The following PARP4 variants were observed in gnomAD, a reference collection of about 807,000 sequenced individuals.
PARP4 encodes the protein protein mono-ADP-ribosyltransferase PARP4.
Under a neutral mutation model 187.7 loss-of-function variants are expected in PARP4, and 120 were observed. The observed-to-expected ratio is 0.64, with a 90% CI of 0.55 to 0.74. PARP4 has a LOEUF of 0.74. Among genes scored for constraint, PARP4 ranks in the 30% least tolerant of loss-of-function variants. The pLI, the probability that PARP4 is intolerant of heterozygous loss-of-function variation, is 0.00. For synonymous variants in PARP4, 654 were observed against 740.9 expected, an observed-to-expected ratio of 0.88 and a Z score of 1.90; for missense variants, 1,836 against 2,070.5, an observed-to-expected ratio of 0.89 and a Z score of 2.20.
Position 24,478,043 on chromosome 13 carries a change from T to TAAA in PARP4, c.1632+49_1632+50insTTT, listed in dbSNP as rs751088924. ...AAATAGGAGCAAAAAACTAAGGCCT[T>TAAA]TCTTTGAGCATTCAAGACCCTCTTT... is the stretch of plus-strand genomic sequence containing the variant. On this transcript the variant is annotated intron_variant, in intron 13 of 33. Coordinates refer to ENST00000381989, the MANE Select transcript of PARP4 (RefSeq NM_006437.4). The TAAA allele has an allele frequency of 4.8e-5, 69 of 1,426,932 alleles. No homozygotes were observed. The African/African-American group carries it at 8.5e-4, about 18-fold the overall frequency. 88.4% of individuals were successfully genotyped at this position (1,426,932 alleles called of 1,614,324 possible). A position where few individuals can be genotyped will look rare whatever the true frequency, so the allele number is the denominator to read the frequency against.
chr13:24,496,939 C>T (rs1868990956), intron 6 of PARP4, among the ~76,000 whole-genome samples: 2 of 152,140 alleles, frequency 1.3e-5, no homozygotes, highest in Admixed American at 1.3e-4. Context: ...ACAAGAATCG[C>T]TTGAACCTGG....
chr13:24,492,864 CCT>C (rs1566017563), intron 8 of PARP4, among the ~76,000 whole-genome samples: 1 of 152,170 alleles, frequency 6.6e-6, no homozygotes, highest in African/African-American at 2.4e-5. Flanking sequence ...CATCTACATA[CCT>C]ATACACAGAG....
At chr13:24,507,270 G>A (rs1041252704) in intron 1 of PARP4, among the ~76,000 whole-genome samples, 14 of 152,244 alleles carry the variant, frequency 9.2e-5, no homozygotes, top group African/African-American at 2.2e-4. Flanking sequence ...CTCCTCAAGC[G>A]TAGCCAGAGT....
chr13:24,491,414 C>T (rs534249213), intron 9 of PARP4, among the ~76,000 whole-genome samples: 59 of 152,274 alleles, frequency 3.9e-4, no homozygotes, highest in South Asian at 1.2e-3. Flanking sequence ...CCACCACACC[C>T]GACTGACAGA....
chr13:24,511,322 CAG>C (rs1042119188), intron 1 of PARP4, among the ~76,000 whole-genome samples: 1 of 152,160 alleles, frequency 6.6e-6, no homozygotes, highest in African/African-American at 2.4e-5. Flanking sequence ...TCTCTAAACA[CAG>C]AGTTAGTTCA....
intron 20 of PARP4, among the ~76,000 whole-genome samples, chr13:24,457,476 C>T (rs1407198844): frequency 1.3e-5 from 2 of 152,162 alleles, no homozygotes; most frequent in East Asian, 1.9e-4. Flanking sequence ...CTTGTTGCTA[C>T]TGAGGACTCC....
intron 7 of PARP4, among the ~76,000 whole-genome samples, chr13:24,494,008 C>T (rs555911744): frequency 4.6e-5 from 7 of 152,110 alleles, no homozygotes; most frequent in African/African-American, 1.2e-4. Flanking sequence ...AGTCAACACA[C>T]GAAGTCAGGA....
chr13:24,479,849 C>T (rs1873175146), intron 12 of PARP4, among the ~76,000 whole-genome samples: 1 of 152,220 alleles, frequency 6.6e-6, no homozygotes, highest in Non-Finnish European at 1.5e-5. Flanking sequence ...ACTGCTCACT[C>T]TTTGGGTCCA....
chr13:24,456,603 T>C (rs1871868499), intron 20 of PARP4, 125 bp from the exon 21 acceptor site: 1 of 812,206 alleles, frequency 1.2e-6, no homozygotes, highest in African/African-American at 1.7e-5. Flanking sequence ...ATCAACAAAG[T>C]AGTGGTAAAT....
chr13:24,426,360 C>A, intron 33 of PARP4, 106 bp downstream of exon 33: 1 of 818,794 alleles, frequency 1.2e-6, no homozygotes, highest in Non-Finnish European at 1.8e-6. Context: ...TTGCTACATA[C>A]TTATAGTGTA....
intron 17 of PARP4, among the ~76,000 whole-genome samples, chr13:24,462,895 G>A (rs7995958): frequency 6.6e-6 from 1 of 151,702 alleles, no homozygotes; most frequent in Non-Finnish European, 1.5e-5. Context: ...AAAAGCTGTG[G>A]TGCAATATCA....
At chr13:24,512,242 A>G (rs185019931) in intron 1 of PARP4, among the ~76,000 whole-genome samples, 19 of 152,322 alleles carry the variant, frequency 1.2e-4, no homozygotes, top group Non-Finnish European at 1.9e-4. Context: ...CAACAAACAC[A>G]TTGTTTCTAT....
At chr13:24,453,101 A>G (rs1414353262) in intron 23 of PARP4, among the ~76,000 whole-genome samples, 3 of 151,850 alleles carry the variant, frequency 2.0e-5, no homozygotes, top group African/African-American at 7.3e-5. Context: ...CGCCTGGCTA[A>G]TTTTTTGTAT....
intron 30 of PARP4, among the ~76,000 whole-genome samples, chr13:24,438,848 C>T (rs1593592818): frequency 1.3e-5 from 2 of 152,208 alleles, no homozygotes; most frequent in Admixed American, 6.5e-5. Flanking sequence ...GGCTCTATTG[C>T]GGCTGGCGTG....
chr13:24,425,605 C>CTATATATATATATA (rs113002264), intron 33 of PARP4, among the ~76,000 whole-genome samples: 3,662 of 146,614 alleles, frequency 0.025, 148 homozygotes, highest in African/African-American at 0.081. Flanking sequence ...ATATCTATAT[C>CTATATATATATATA]TATATATCTC....
At chr13:24,470,165 G>C in intron 15 of PARP4, 140 bp from the exon 16 acceptor site, 1 of 723,956 alleles carries the variant, frequency 1.4e-6, no homozygotes, top group African/African-American at 1.8e-5. Flanking sequence ...CCCAACCCTG[G>C]CTTCACTTCT....
rs201516713 is a variant in PARP4 at position 24,434,720 on chromosome 13, T to A, written c.4421A>T (p.Asn1474Ile). 99 of 1,614,036 alleles carry A rather than the reference T, an allele frequency of 6.1e-5. No homozygotes were observed. The African/African-American group carries it at 8.8e-4, about 14-fold the overall frequency. The change falls in exon 31 of 34, where the codon AAC becomes ATC. Residue 1474 changes from asparagine (N) to isoleucine (I), a missense_variant. This residue lies in a region of PARP4 where 450 missense variants were observed against 439.2 expected (regional missense o/e 1.02). Transcript: ENST00000381989. ...AGCAGAGGCCATTGGCAGCCTAAGG[T>A]TGGCAGTCAAAGAGGCTGCGGAAGG... ...FQPSAASLTANLRLPMASALP... is the reference protein window; with the variant it reads ...FQPSAASLTAILRLPMASALP...
At chr13:24,506,354 T>G (rs575527840) in intron 1 of PARP4, among the ~76,000 whole-genome samples, 1 of 152,192 alleles carries the variant, frequency 6.6e-6, no homozygotes, top group African/African-American at 2.4e-5. Flanking sequence ...GCAACAAAAT[T>G]TACTGCAAGG....
In PARP4 at chr13:24,459,963, C is replaced by G. The variant is rs201461720; in HGVS notation, c.2298+9G>C. 6.2e-7 allele frequency: 1 copy of G among 1,608,730 alleles called. No homozygotes were observed. On this transcript the variant is annotated intron_variant, in intron 18 of 33. Coordinates refer to ENST00000381989, the MANE Select transcript of PARP4 (RefSeq NM_006437.4). The stretch of plus-strand genomic sequence containing the variant: ...CCAAAATGCTTCTTCAAATCTTATG[C>G]GTACAAACCTGAAGGTTTTCATTCA...
Sources: allele counts gnomAD v4.1 joint callset (sites outside exome capture counted in the v4.1 genomes callset), GRCh38; gene constraint gnomAD v4.1.1; regional missense constraint gnomAD v4.1.1; transcripts MANE v1.5; gene names NCBI Gene and HGNC (gene_info 2026-07-23, HGNC 2026-07-21).